Variants in ADGRL3 observed in about 807,000 individuals in gnomAD.
ADGRL3 encodes the protein adhesion G protein-coupled receptor L3.
In ADGRL3, 62 loss-of-function variants were observed where a neutral mutation model predicts 153.5. That is an observed-to-expected ratio of 0.40 (90% CI 0.33 to 0.50). ADGRL3 has a LOEUF of 0.50. Among genes scored for constraint, ADGRL3 ranks in the 20% least tolerant of loss-of-function variants. The pLI is 0.47. For missense variants in ADGRL3, 1,641 were observed against 1,859.4 expected, an observed-to-expected ratio of 0.88 and a Z score of 2.16; for synonymous variants, 710 against 672.5, an observed-to-expected ratio of 1.06 and a Z score of -0.86.
chr4:61,429,281 C>T (rs1311252421), intron 2 of ADGRL3, among the ~76,000 whole-genome samples: 2 of 152,126 alleles, frequency 1.3e-5, no homozygotes, highest in Non-Finnish European at 2.9e-5. Flanking sequence ...ATATCTGAAT[C>T]TAAAAGAACA....
At chr4:61,912,622 GTT>G in intron 12 of ADGRL3, 95 bp from the exon 13 acceptor site, 1 of 1,065,756 alleles carries the variant, frequency 9.4e-7, no homozygotes, top group Non-Finnish European at 1.4e-6. Flanking sequence ...AAAATAAGGT[GTT>G]TTGTGTAGAT....
intron 4 of ADGRL3, among the ~76,000 whole-genome samples, chr4:61,562,240 T>A (rs923556325): frequency 1.3e-5 from 2 of 152,132 alleles, no homozygotes; most frequent in South Asian, 4.1e-4. Context: ...CTTTAGTGAG[T>A]TGTAATCTTT....
intron 21 of ADGRL3, among the ~76,000 whole-genome samples, chr4:62,007,409 CGTATATATATAT>C (rs2099164391): frequency 1.1e-5 from 1 of 90,844 alleles, no homozygotes; most frequent in Non-Finnish European, 2.2e-5. Context: ...TATATATACA[CGTATATATATAT>C]ACACATATAT....
intron 23 of ADGRL3, among the ~76,000 whole-genome samples, chr4:62,036,099 T>G (rs1163564190): frequency 1.3e-5 from 2 of 152,082 alleles, no homozygotes; most frequent in Non-Finnish European, 2.9e-5. Flanking sequence ...CTAATTCTAA[T>G]CATTGATAAA....
At chr4:61,696,184 G>A (rs2095639387) in intron 6 of ADGRL3, among the ~76,000 whole-genome samples, 1 of 152,086 alleles carries the variant, frequency 6.6e-6, no homozygotes, top group Admixed American at 6.6e-5. Context: ...ACTGTTTGGT[G>A]CTAGAGACCT....
intron 4 of ADGRL3, among the ~76,000 whole-genome samples, chr4:61,553,539 T>A (rs1175196059): frequency 1.3e-5 from 2 of 152,218 alleles, no homozygotes; most frequent in Admixed American, 6.5e-5. Context: ...AGCCTCCAAG[T>A]TATGAGCCAT....
At chr4:61,846,207 C>T (rs1341224957) in intron 9 of ADGRL3, among the ~76,000 whole-genome samples, 2 of 151,630 alleles carry the variant, frequency 1.3e-5, no homozygotes, top group Non-Finnish European at 2.9e-5. Flanking sequence ...GTCCTAGCTA[C>T]TTGGGGGGCT....
At chr4:61,873,796 A>G (rs1304586662) in intron 9 of ADGRL3, among the ~76,000 whole-genome samples, 3 of 152,024 alleles carry the variant, frequency 2.0e-5, no homozygotes, top group Non-Finnish European at 2.9e-5. Flanking sequence ...GGCAGTTTCT[A>G]GAGATATTTT....
intron 3 of ADGRL3, among the ~76,000 whole-genome samples, chr4:61,502,785 T>C (rs1474182203): frequency 6.6e-6 from 1 of 152,214 alleles, no homozygotes; most frequent in Non-Finnish European, 1.5e-5. Flanking sequence ...CTACATGGCA[T>C]TTTATCATAT....
chr4:61,259,522 TC>T (rs2092337257), intron 1 of ADGRL3, among the ~76,000 whole-genome samples: 3 of 152,076 alleles, frequency 2.0e-5, no homozygotes, highest in African/African-American at 7.2e-5. Flanking sequence ...TCAGGCTTCT[TC>T]CTAATTCTAA....
rs1401256010 is a variant in ADGRL3 at position 61,305,201 on chromosome 4, TATA to T, written c.-239-77918_-239-77916del. 2.6e-5 allele frequency among the ~76,000 whole-genome samples: 4 copies of T among 152,192 alleles called. No homozygotes were observed. In the East Asian group the frequency reaches 7.7e-4, roughly 29 times the overall value. On this transcript the variant is annotated intron_variant, in intron 1 of 26. Transcript: ENST00000683033. Reference sequence around the variant, plus strand: ...TTTTTTTTTTTAACTATTTTGAGTCTATAATAAATAAGATACACTATTATCACA... The same window carrying T: ...TTTTTTTTTTTAACTATTTTGAGTCTATAAATAAGATACACTATTATCACA...
chr4:61,922,718 G>A (rs1230941093), intron 13 of ADGRL3, among the ~76,000 whole-genome samples: 2 of 152,106 alleles, frequency 1.3e-5, no homozygotes, highest in African/African-American at 4.8e-5. Context: ...CATTCAATCA[G>A]GCAGTATTTG....
chr4:61,958,948 C>T (rs1360034057), intron 17 of ADGRL3, among the ~76,000 whole-genome samples: 2 of 152,146 alleles, frequency 1.3e-5, no homozygotes, highest in Non-Finnish European at 2.9e-5. Flanking sequence ...CTACTGAATT[C>T]CCCCTGCTTC....
At chr4:61,916,963 T>A (rs929717206) in intron 13 of ADGRL3, among the ~76,000 whole-genome samples, 6 of 151,752 alleles carry the variant, frequency 4.0e-5, no homozygotes, top group East Asian at 3.9e-4. Flanking sequence ...CAAAAAAAAA[T>A]AAAAATAAAA....
chr4:61,415,843 T>C (rs2097138773), intron 2 of ADGRL3, among the ~76,000 whole-genome samples: 1 of 152,216 alleles, frequency 6.6e-6, no homozygotes, highest in African/African-American at 2.4e-5. Context: ...TTCAATAATA[T>C]GGCATGAAGT....
At chr4:61,827,679 A>G (rs184310055) in intron 9 of ADGRL3, among the ~76,000 whole-genome samples, 1 of 152,334 alleles carries the variant, frequency 6.6e-6, no homozygotes, top group Admixed American at 6.5e-5. Context: ...CAGACACTGC[A>G]GTTAAAGCAT....
chr4:62,048,288 A>C (rs1732230017), intron 25 of ADGRL3, among the ~76,000 whole-genome samples: 1 of 151,964 alleles, frequency 6.6e-6, no homozygotes, highest in Non-Finnish European at 1.5e-5. Context: ...TTTGAGACAG[A>C]GTCTTGCTCT....
intron 6 of ADGRL3, among the ~76,000 whole-genome samples, chr4:61,719,639 G>T (rs1480571457): frequency 6.8e-6 from 1 of 146,938 alleles, no homozygotes; most frequent in African/African-American, 2.5e-5. Flanking sequence ...GTCTCACCCG[G>T]TCACCCAGGC....
At chr4:61,264,840 G>GA (rs35633121) in intron 1 of ADGRL3, among the ~76,000 whole-genome samples, 1 of 151,854 alleles carries the variant, frequency 6.6e-6, no homozygotes, top group Non-Finnish European at 1.5e-5. Flanking sequence ...TTATGCTTGG[G>GA]AAAAAGTGTT....
Sources: gnomAD v4.1 joint callset for allele counts (sites outside exome capture counted in the v4.1 genomes callset) on GRCh38, gnomAD v4.1.1 for gene constraint, MANE v1.5 for transcripts, NCBI Gene and HGNC (gene_info 2026-07-23, HGNC 2026-07-21) for gene names.